The following ATP2B2 variants were observed in gnomAD, a reference collection of about 807,000 sequenced individuals.
ATP2B2 encodes the protein ATPase plasma membrane Ca2+ transporting 2, also known as plasma membrane calcium-transporting ATPase 2.
A neutral mutation model predicts 120.0 loss-of-function variants in ATP2B2; 15 were observed. That is an observed-to-expected ratio of 0.12 (90% CI 0.08 to 0.19). The LOEUF (loss-of-function observed/expected upper bound fraction) is 0.19. ATP2B2 is among the 10% of genes least tolerant of loss of function. The probability of loss-of-function intolerance (pLI) is 1.00; values close to 1 mark genes in which losing one functional copy is unlikely to be tolerated. For missense variants in ATP2B2, 1,045 were observed against 1,719.8 expected (o/e 0.61, Z 6.94); for synonymous variants, 694 against 700.3 (o/e 0.99, Z 0.14).
intron 1 of ATP2B2, among the ~76,000 whole-genome samples, chr3:10,488,412 CCCATT>C: frequency 6.6e-6 from 1 of 151,684 alleles, no homozygotes; most frequent in African/African-American, 2.4e-5. Flanking sequence ...CATCCACCCA[CCCATT>C]CATCTCTTCA....
chr3:10,475,022 CG>C (rs1157178126), intron 1 of ATP2B2, among the ~76,000 whole-genome samples: 1 of 152,200 alleles, frequency 6.6e-6, no homozygotes, highest in Non-Finnish European at 1.5e-5. Flanking sequence ...TGAGAATGTC[CG>C]AATTAACCAC....
intron 1 of ATP2B2, among the ~76,000 whole-genome samples, chr3:10,488,499 C>CTTCG (rs2065810086): frequency 1.3e-5 from 1 of 75,674 alleles, no homozygotes; most frequent in African/African-American, 5.8e-5. Context: ...TCCTTCCTTC[C>CTTCG]TTCCTTCGTT....
chr3:10,341,904 C>T (rs1163420559), intron 19 of ATP2B2, among the ~76,000 whole-genome samples: 1 of 151,678 alleles, frequency 6.6e-6, no homozygotes, highest in Non-Finnish European at 1.5e-5. Flanking sequence ...CAACTAACTG[C>T]CTTTGAGGAA....
intron 1 of ATP2B2, among the ~76,000 whole-genome samples, chr3:10,629,738 A>G (rs1359744975): frequency 2.0e-5 from 3 of 152,182 alleles, no homozygotes; most frequent in African/African-American, 7.2e-5. Context: ...TTCACACCAA[A>G]TCTCCGCAAG....
chr3:10,585,967 C>A (rs2068501828), intron 2 of ATP2B2, among the ~76,000 whole-genome samples: 1 of 152,200 alleles, frequency 6.6e-6, no homozygotes, highest in Non-Finnish European at 1.5e-5. Flanking sequence ...CAATCTAGAA[C>A]CTTGCCTGGC....
At chr3:10,642,368 C>A (rs975859013) in intron 1 of ATP2B2, among the ~76,000 whole-genome samples, 4 of 152,190 alleles carry the variant, frequency 2.6e-5, no homozygotes, top group African/African-American at 7.2e-5. Context: ...TTTACAGAGT[C>A]CCAGCCAGGG....
At chr3:10,628,442 G>C (rs1484606246) in intron 1 of ATP2B2, among the ~76,000 whole-genome samples, 1 of 151,582 alleles carries the variant, frequency 6.6e-6, no homozygotes, top group African/African-American at 2.4e-5. Flanking sequence ...GCAGGGAAGA[G>C]ATGCCTGTGG....
intron 1 of ATP2B2, among the ~76,000 whole-genome samples, chr3:10,673,806 CAAAAAA>C (rs549651187): frequency 1.4e-3 from 104 of 73,776 alleles, no homozygotes; most frequent in Admixed American, 4.3e-3. Flanking sequence ...GACCCTGTTT[CAAAAAA>C]AAAAAAAAAA....
chr3:10,414,207 A>AGAGAGGGG (rs1251562650), intron 2 of ATP2B2, among the ~76,000 whole-genome samples: 1 of 152,200 alleles, frequency 6.6e-6, no homozygotes, highest in African/African-American at 2.4e-5. Context: ...ATTGATTCCA[A>AGAGAGGGG]GAGAGGGGGA....
chr3:10,631,422 G>A (rs998168062), intron 1 of ATP2B2, among the ~76,000 whole-genome samples: 2 of 152,194 alleles, frequency 1.3e-5, no homozygotes, highest in Non-Finnish European at 2.9e-5. Flanking sequence ...GAATCCTGAG[G>A]CTCAAAGAGG....
rs144536194 is a variant in ATP2B2 at position 10,584,364 on chromosome 3, G to A, written c.-415+35553C>T. 5.9e-4 allele frequency among the ~76,000 whole-genome samples: 90 copies of A among 152,304 alleles called. 1 individual carries two copies. In the East Asian group the frequency reaches 0.017, roughly 28 times the overall value. ...GACATGAAGTTTGAGTTCAGAGAGG[G>A]CTTTACCTTGGGAACTTTCTTGTTC... On this transcript the variant is annotated intron_variant, in intron 2 of 21. Transcript: ENST00000646379.
intron 1 of ATP2B2, among the ~76,000 whole-genome samples, chr3:10,495,175 A>G (rs578082080): frequency 4.7e-4 from 72 of 152,306 alleles, no homozygotes; most frequent in Non-Finnish European, 8.7e-4. Context: ...GGGCAGTTGC[A>G]TTGGGACATG....
At chr3:10,380,254 C>T (rs952046978) in intron 8 of ATP2B2, among the ~76,000 whole-genome samples, 3 of 152,258 alleles carry the variant, frequency 2.0e-5, no homozygotes, top group African/African-American at 7.2e-5. Flanking sequence ...AGGCCTCTGT[C>T]TCTTGCCTAG....
At chr3:10,593,877 C>A (rs9851082) in intron 2 of ATP2B2, among the ~76,000 whole-genome samples, 107,259 of 141,914 alleles carry the variant, frequency 0.76, 38,401 homozygotes, top group Non-Finnish European at 0.78. Context: ...AGAAAAAAAA[C>A]CAAACAACTC....
At chr3:10,607,145 G>A (rs1487498661) in intron 2 of ATP2B2, among the ~76,000 whole-genome samples, 3 of 152,050 alleles carry the variant, frequency 2.0e-5, no homozygotes, top group East Asian at 1.9e-4. Context: ...CTGGCTTGGC[G>A]GTCGGCAGGA....
In ATP2B2 at chr3:10,635,020, G is replaced by A. The variant is rs983532025; in HGVS notation, c.-459-15059C>T. Among the ~76,000 whole-genome samples, 26 of 152,022 alleles carry A rather than the reference G, an allele frequency of 1.7e-4. No homozygotes were observed. Among genetic ancestry groups the A allele is most frequent in the Admixed American group, 1.1e-3 (17 of 15,264 alleles). ...AGCGTATGGGATTGGTTGTTCCTAC[G>A]TGATAGAAGAAAGAGCCTTCCAACA... On this transcript the variant is annotated intron_variant, in intron 1 of 21. Transcript: ENST00000646379. This position sits in a 1 kb window ranked among gnomAD's most constrained non-coding sequence, Gnocchi z 4.3.
Position 10,347,203 on chromosome 3 carries a change from C to T in ATP2B2, c.2405-1066G>A, listed in dbSNP as rs900831481. 9.2e-5 allele frequency among the ~76,000 whole-genome samples: 14 copies of T among 152,208 alleles called. No individual in the cohort carries two copies. Among genetic ancestry groups the T allele is most frequent in the Non-Finnish European group, 5.9e-5 (4 of 68,038 alleles). On this transcript the variant is annotated intron_variant, in intron 16 of 22. Transcript: ENST00000360273. This position sits in a 1 kb window ranked among gnomAD's most constrained non-coding sequence, Gnocchi z 5.2. ...CTCTTCTCTCATCCCCTGGCCACCCCCAATCTGTGCTTACGGTCCCACAGA... is the reference window on the plus strand; with the variant it reads ...CTCTTCTCTCATCCCCTGGCCACCCTCAATCTGTGCTTACGGTCCCACAGA...
At chr3:10,415,936 T>C (rs915357916) in intron 2 of ATP2B2, among the ~76,000 whole-genome samples, 2 of 152,220 alleles carry the variant, frequency 1.3e-5, no homozygotes, top group Admixed American at 6.5e-5. Flanking sequence ...TTGGTCTTTG[T>C]TCTACCACTG....
chr3:10,623,120 T>TGA (rs1370521494), intron 1 of ATP2B2, among the ~76,000 whole-genome samples: 1 of 145,282 alleles, frequency 6.9e-6, no homozygotes, highest in Admixed American at 7.4e-5. Flanking sequence ...TGGAGTGCAG[T>TGA]GGTGCAACCA....
Sources: gnomAD v4.1 joint callset for allele counts (sites outside exome capture counted in the v4.1 genomes callset) on GRCh38, gnomAD v4.1.1 for gene constraint, Gnocchi (gnomAD v3.1) non-coding constraint, MANE v1.5 for transcripts, NCBI Gene and HGNC (gene_info 2026-07-23, HGNC 2026-07-21) for gene names.